Variants in RPL35A observed in about 807,000 individuals in gnomAD.
RPL35A encodes the protein ribosomal protein L35a, also known as large ribosomal subunit protein eL33.
In RPL35A, 1 loss-of-function variant was observed where a neutral mutation model predicts 16.7. That is an observed-to-expected ratio of 0.06 (90% CI 0.02 to 0.28). The LOEUF (loss-of-function observed/expected upper bound fraction) is 0.28. RPL35A is among the 10% of genes least tolerant of loss of function. The pLI is 1.00. For synonymous variants in RPL35A, 58 were observed against 47.0 expected, an observed-to-expected ratio of 1.23 and a Z score of -0.96; for missense variants, 91 against 138.7, an observed-to-expected ratio of 0.66 and a Z score of 1.73.
At chr3:197,953,952 G>T (rs756725076) in intron 3 of RPL35A, 51 bp from the exon 4 acceptor site, 16 of 1,603,856 alleles carry the variant, frequency 1.0e-5, no homozygotes, top group Middle Eastern at 2.3e-4. Context: ...CCTTGAATTT[G>T]TATCCAACTA....
chr3:197,955,058 T>C (rs1321188067), intron 4 of RPL35A, among the ~76,000 whole-genome samples: 2 of 152,152 alleles, frequency 1.3e-5, no homozygotes, highest in African/African-American at 4.8e-5. Flanking sequence ...GTAATTTTTC[T>C]CAAATAGTTC....
At chr3:197,952,498 T>C (rs1720194044) in intron 3 of RPL35A, 2 of 152,116 alleles carry the variant, frequency 1.3e-5, no homozygotes, top group South Asian at 4.1e-4. Context: ...CTTTTCTTTT[T>C]TTCTTTCTTT....
intron 4 of RPL35A, 182 bp downstream of exon 4, chr3:197,954,329 G>GT (rs1006738925): frequency 2.8e-5 from 19 of 675,794 alleles, no homozygotes; most frequent in African/African-American, 2.7e-4. Flanking sequence ...TTGGTTGTTT[G>GT]TTTTTTGTTT....
At chr3:197,951,862 T>C (rs760866468) in intron 3 of RPL35A, among the ~76,000 whole-genome samples, 1 of 152,040 alleles carries the variant, frequency 6.6e-6, no homozygotes, top group Non-Finnish European at 1.5e-5. Context: ...CACGCCCGGC[T>C]AATTTTTGTA....
intron 4 of RPL35A, among the ~76,000 whole-genome samples, 165 bp from the exon 5 acceptor site, chr3:197,955,585 G>A (rs186730784): frequency 1.3e-5 from 2 of 152,100 alleles, no homozygotes; most frequent in African/African-American, 2.4e-5. Flanking sequence ...TATGAGTGCC[G>A]GTTCTTACGG....
At position 197,956,456 on chromosome 3, in the gene RPL35A, A is replaced by G. The variant is rs1212304356; in HGVS notation, c.*683A>G. On this transcript the variant is annotated 3_prime_UTR_variant, in exon 5 of 5. Transcript: ENST00000647248. ...CACTCATAAAAAGCAATCCTATGGT[A>G]GGTACATGGAGGTTGGGAATAGTGC... The G allele has an allele frequency of 2.0e-5, 3 of 152,368 alleles. No homozygotes were observed. Among genetic ancestry groups the G allele is most frequent in the African/African-American group, 7.2e-5 (3 of 41,442 alleles). 9.4% of individuals were successfully genotyped at this position (152,368 alleles called of 1,614,324 possible). A position where few individuals can be genotyped will look rare whatever the true frequency, so the allele number is the denominator to read the frequency against.
At position 197,951,221 on chromosome 3, in the gene RPL35A, C is replaced by G. The variant is rs777658380; in HGVS notation, c.74C>G (p.Thr25Arg). Residue 25 changes from threonine to arginine, a missense_variant, in exon 3 of 5, where the codon ACA (threonine) becomes AGA (arginine). Physicochemically the swap from Thr to Arg is moderately conservative, Grantham distance 71 (BLOSUM62 -1). Transcript: ENST00000647248. ...GGTCTCCGGAACCAAAGGGAGCACA[C>G]AGCTCTTCTTAAAATTGAAGGTGTT... ...KRGLRNQREH[T>R]ALLKIEGVYA... The G allele has an allele frequency of 2.5e-6, 4 of 1,614,176 alleles. No homozygotes were observed. Among genetic ancestry groups the G allele is most frequent in the East Asian group, 4.5e-5 (2 of 44,890 alleles).
At chr3:197,954,837 T>C (rs182091399) in intron 4 of RPL35A, among the ~76,000 whole-genome samples, 62 of 152,280 alleles carry the variant, frequency 4.1e-4, no homozygotes, top group African/African-American at 1.4e-3. Context: ...GTGAAGATAT[T>C]TATTGGGCAC....
At position 197,954,120 on chromosome 3, in the gene RPL35A, T is replaced by G. The variant is rs201018840; in HGVS notation, c.282T>G (p.Ala94=). 16 of 1,614,090 alleles carry G rather than the reference T, an allele frequency of 9.9e-6. No homozygotes were observed. The highest frequency in any genetic ancestry group is 1.2e-5 in the Non-Finnish European group (14 of 1,180,046). Residue 94 remains alanine (A), a synonymous_variant, in exon 4 of 5, where the codon GCT becomes GCG. Transcript: ENST00000647248. ...CCAAATTCCGAAGCAATCTTCCTGCTAAGGCCATTGGACACAGAATCCGAG... is the reference window on the plus strand; with the variant it reads ...CCAAATTCCGAAGCAATCTTCCTGCGAAGGCCATTGGACACAGAATCCGAG... The part of the protein sequence containing the change: ...VRAKFRSNLP[A]KAIGHRIRVM...
rs113882261 is a variant in RPL35A at position 197,953,388 on chromosome 3, T to C, written c.165-615T>C. 2.9e-3 allele frequency: 1,323 copies of C among 455,848 alleles called. 22 individuals carry two copies. The highest frequency in any genetic ancestry group is 0.024 in the African/African-American group (1,187 of 50,060). The allele number at this position is 455,848 out of a possible 1,614,324, so 28.2% of individuals were successfully genotyped here. On this transcript the variant is annotated intron_variant, in intron 3 of 4. Transcript: ENST00000647248. ...AACCCCGTGGTCTTTAAAGGAAATA[T>C]ATATAAAGTCATATCCTTTGTACAT...
chr3:197,954,096 C>T lies in RPL35A; in HGVS notation c.258C>T (p.Ala86=). ...ATGGAAACAGTGGCATGGTTCGTGC[C>T]AAATTCCGAAGCAATCTTCCTGCTA... The part of the protein sequence containing the change: ...RAHGNSGMVR[A]KFRSNLPAKA... The change falls in exon 4 of 5, where the codon GCC becomes GCT. Residue 86 remains alanine, a synonymous_variant. Coordinates refer to ENST00000647248, the MANE Select transcript of RPL35A (RefSeq NM_000996.4). 1 of 1,614,152 alleles carries T rather than the reference C, an allele frequency of 6.2e-7. No individual in the cohort carries two copies. The highest frequency in any genetic ancestry group is 8.5e-7 in the Non-Finnish European group (1 of 1,180,020).
chr3:197,954,067 G>T lies in RPL35A; in HGVS notation c.229G>T (p.Ala77Ser). ...TRVIWGKVTRAHGNSGMVRAK... is the reference protein window; with the variant it reads ...TRVIWGKVTRSHGNSGMVRAK... ...AGTCATCTGGGGAAAAGTAACTCGG[G>T]CCCATGGAAACAGTGGCATGGTTCG... The change falls in exon 4 of 5, where the codon GCC becomes TCC. Residue 77 changes from alanine (A) to serine (S), a missense_variant. Transcript: ENST00000647248. 1 of 1,614,058 alleles carries T rather than the reference G, an allele frequency of 6.2e-7. No individual in the cohort carries two copies. Among genetic ancestry groups the T allele is most frequent in the Non-Finnish European group, 8.5e-7 (1 of 1,180,010 alleles).
At chr3:197,955,344 C>T (rs909828095) in intron 4 of RPL35A, among the ~76,000 whole-genome samples, 3 of 150,108 alleles carry the variant, frequency 2.0e-5, no homozygotes, top group African/African-American at 7.3e-5. Flanking sequence ...TCTTGCCTCA[C>T]TGCAAGCTCC....
Position 197,955,779 on chromosome 3 carries a change from C to A in RPL35A, c.*6C>A. ...TGTACCCCTCAAGGATTTAAACTAA[C>A]GAAAAATCAATAAATAAATGTGGAT... On this transcript the variant is annotated 3_prime_UTR_variant, in exon 5 of 5. Coordinates refer to ENST00000647248, the MANE Select transcript of RPL35A (RefSeq NM_000996.4). 6.2e-7 allele frequency: 1 copy of A among 1,600,172 alleles called. No individual in the cohort carries two copies. The highest frequency in any genetic ancestry group is 8.6e-7 in the Non-Finnish European group (1 of 1,169,334).
At position 197,950,880 on chromosome 3, in the gene RPL35A, C is replaced by T. The variant is rs1720009899; in HGVS notation, c.-32-56C>T. The stretch of plus-strand genomic sequence containing the variant: ...CTTTAGGGGCTTAAACGAGAGGGGA[C>T]GAGGTGGGAAACTTGTGTGGCTTGG... On this transcript the variant is annotated intron_variant, in intron 1 of 4. Coordinates refer to ENST00000647248, the MANE Select transcript of RPL35A (RefSeq NM_000996.4). The T allele has an allele frequency of 5.8e-6, 9 of 1,548,666 alleles. No homozygotes were observed. The Admixed American group carries it at 1.2e-4, about 20-fold the overall frequency.
chr3:197,953,391 A>G (rs1443697045), intron 3 of RPL35A: 11 of 456,064 alleles, frequency 2.4e-5, no homozygotes, highest in African/African-American at 6.0e-5. Flanking sequence ...GGAAATATAT[A>G]TAAAGTCATA....
chr3:197,953,852 A>G (rs1310207918), intron 3 of RPL35A, 151 bp from the exon 4 acceptor site: 7 of 738,484 alleles, frequency 9.5e-6, no homozygotes, highest in Non-Finnish European at 1.7e-5. Context: ...CTCGATAAGT[A>G]TCTGTTGAAT....
intron 2 of RPL35A, 87 bp downstream of exon 2, chr3:197,951,065 TG>T: frequency 6.2e-7 from 1 of 1,600,216 alleles, no homozygotes; most frequent in Non-Finnish European, 8.6e-7. Flanking sequence ...AAAACTTAGA[TG>T]TTTGCTCTGA....
intron 1 of RPL35A, 135 bp from the exon 2 acceptor site, chr3:197,950,801 C>T: frequency 1.4e-6 from 1 of 724,178 alleles, no homozygotes. Context: ...TATGGATGTT[C>T]TGGCATTGTT....
Sources: allele counts gnomAD v4.1 joint callset (sites outside exome capture counted in the v4.1 genomes callset), GRCh38; gene constraint gnomAD v4.1.1; transcripts MANE v1.5; gene names NCBI Gene and HGNC (gene_info 2026-07-23, HGNC 2026-07-21).